The following PPP4R1 variants were observed in gnomAD, a reference collection of about 807,000 sequenced individuals.
PPP4R1 encodes the protein protein phosphatase 4 regulatory subunit 1, also known as serine/threonine-protein phosphatase 4 regulatory subunit 1.
In PPP4R1, 42 loss-of-function variants were observed where a neutral mutation model predicts 111.2. The observed-to-expected ratio is 0.38, with a 90% CI of 0.29 to 0.49. The LOEUF (loss-of-function observed/expected upper bound fraction) is 0.49, where lower values mean the gene tolerates loss of function less well. Ranked by LOEUF, PPP4R1 falls within the 20% of genes least tolerant of loss-of-function variation. PPP4R1 has a pLI of 0.97. For synonymous variants in PPP4R1, 409 were observed against 405.5 expected (o/e 1.01, Z -0.10); for missense variants, 1,012 against 1,161.6 (o/e 0.87, Z 1.87).
chr18:9,591,391 G>A lies in PPP4R1; in HGVS notation c.295+2377C>T, dbSNP rs544979035. Among the ~76,000 whole-genome samples, 34 of 151,548 alleles carry A rather than the reference G, an allele frequency of 2.2e-4. No individual in the cohort carries two copies. In the East Asian group the frequency reaches 6.6e-3, roughly 29 times the overall value. On this transcript the variant is annotated intron_variant, in intron 4 of 19. Transcript: ENST00000400556. ...CAAATAGCCAGTAAGTGTATAACCA[G>A]GTATGAACTTCACTGGTTACTGAGG...
At chr18:9,567,716 A>G (rs2066791734) in intron 11 of PPP4R1, among the ~76,000 whole-genome samples, 1 of 152,222 alleles carries the variant, frequency 6.6e-6, no homozygotes, top group South Asian at 2.1e-4. Context: ...TGTCTCCTGC[A>G]GGTAATATGC....
chr18:9,563,152 G>A, intron 12 of PPP4R1: 1 of 1,215,608 alleles, frequency 8.2e-7, no homozygotes, highest in Non-Finnish European at 1.1e-6. Context: ...CTACTAAATG[G>A]TCATATAGAC....
intron 4 of PPP4R1, among the ~76,000 whole-genome samples, chr18:9,593,354 T>G (rs2067242379): frequency 6.6e-6 from 1 of 152,172 alleles, no homozygotes; most frequent in Admixed American, 6.5e-5. Context: ...AAACCAGCTT[T>G]AGTTTTACAA....
intron 15 of PPP4R1, chr18:9,556,848 C>T (rs2066595298): frequency 6.2e-6 from 1 of 160,280 alleles, no homozygotes; most frequent in Non-Finnish European, 1.4e-5. Context: ...ACACGGAGGG[C>T]AGACTTTTCC....
chr18:9,602,693 C>T (rs2067409297), intron 2 of PPP4R1, among the ~76,000 whole-genome samples: 1 of 152,006 alleles, frequency 6.6e-6, no homozygotes, highest in South Asian at 2.1e-4. Context: ...AATCCCATCT[C>T]TTCTAAAAAT....
intron 6 of PPP4R1, among the ~76,000 whole-genome samples, chr18:9,585,645 A>C (rs892329042): frequency 4.6e-5 from 7 of 152,202 alleles, no homozygotes; most frequent in Admixed American, 2.6e-4. Flanking sequence ...GAAAATCAGA[A>C]GGAATCTACA....
chr18:9,550,613 T>C, intron 16 of PPP4R1: 1 of 552,752 alleles, frequency 1.8e-6, no homozygotes, highest in Non-Finnish European at 3.1e-6. Flanking sequence ...CCTTAGAGTG[T>C]AAGGAAAACA....
rs185599276 is a variant in PPP4R1 at position 9,583,658 on chromosome 18, C to T, written c.760-383G>A. On this transcript the variant is annotated intron_variant, in intron 8 of 19. Transcript: ENST00000400556. ...CTAGGATTACAGGTGTGAGCCACCA[C>T]GCCCAGCCTCAGTGTTTTAAATGTT... Among the ~76,000 whole-genome samples the T allele has an allele frequency of 5.9e-5, 9 of 152,270 alleles. No homozygotes were observed. In the East Asian group the frequency reaches 1.4e-3, roughly 23 times the overall value.
upstream of PPP4R1, chr18:9,614,681 G>GGCCGCGCCCC (rs2067661721): frequency 7.0e-6 from 1 of 141,966 alleles, no homozygotes; most frequent in African/African-American, 2.5e-5. The surrounding 1 kb of genome is among the most constrained non-coding windows in gnomAD (Gnocchi z 4.1). Flanking sequence ...CCGGGCCCCC[G>GGCCGCGCCCC]GCCGCGCCCC....
intron 13 of PPP4R1, among the ~76,000 whole-genome samples, chr18:9,560,341 T>C (rs1196953672): frequency 7.2e-5 from 11 of 152,046 alleles, no homozygotes; most frequent in African/African-American, 9.7e-5. Flanking sequence ...TTCTAGAAAA[T>C]TGAAGTGCAC....
intron 2 of PPP4R1, among the ~76,000 whole-genome samples, chr18:9,595,914 A>G (rs1200944034): frequency 6.6e-6 from 1 of 152,246 alleles, no homozygotes. Context: ...TCAAGGAAGA[A>G]CTGAAAGGTG....
upstream of PPP4R1, among the ~76,000 whole-genome samples, chr18:9,616,689 G>A (rs547634230): frequency 3.9e-4 from 59 of 152,342 alleles, no homozygotes; most frequent in South Asian, 0.012. Flanking sequence ...GATCTACACA[G>A]TTGAGTTAGA....
chr18:9,572,604 G>T (rs1016210820), intron 10 of PPP4R1, among the ~76,000 whole-genome samples: 2 of 152,170 alleles, frequency 1.3e-5, no homozygotes, highest in African/African-American at 2.4e-5. Context: ...CACAATAAAA[G>T]ATGTTTAACA....
intron 18 of PPP4R1, 177 bp downstream of exon 18, chr18:9,549,875 G>T: frequency 1.1e-6 from 1 of 909,812 alleles, no homozygotes; most frequent in South Asian, 1.8e-5. Flanking sequence ...GGCTAGCTGG[G>T]AGAGAGGGGC....
intron 18 of PPP4R1, among the ~76,000 whole-genome samples, chr18:9,549,629 G>A (rs985662023): frequency 1.3e-5 from 2 of 152,120 alleles, no homozygotes; most frequent in Non-Finnish European, 2.9e-5. Context: ...TGGGAACCGT[G>A]GTATGGTATA....
intron 9 of PPP4R1, among the ~76,000 whole-genome samples, chr18:9,577,487 A>T (rs2066955605): frequency 6.6e-6 from 1 of 152,248 alleles, no homozygotes; most frequent in African/African-American, 2.4e-5. Flanking sequence ...CAACATGGCG[A>T]AATCCAGTCT....
intron 10 of PPP4R1, among the ~76,000 whole-genome samples, chr18:9,572,341 A>C: frequency 6.6e-6 from 1 of 152,232 alleles, no homozygotes; most frequent in East Asian, 1.9e-4. Context: ...AATGATGAGC[A>C]TATTTTTAGG....
intron 2 of PPP4R1, among the ~76,000 whole-genome samples, chr18:9,598,432 T>C (rs1357763448): frequency 6.6e-6 from 1 of 152,120 alleles, no homozygotes; most frequent in East Asian, 1.9e-4. Context: ...GGAGAAAAAC[T>C]CATGTTACAT....
At chr18:9,570,130 A>C in intron 11 of PPP4R1, 27 bp downstream of exon 11, 1 of 1,480,692 alleles carries the variant, frequency 6.8e-7, no homozygotes, top group Non-Finnish European at 9.0e-7. Context: ...TCAATTTCAG[A>C]ATAAATAACT....
Sources: allele counts gnomAD v4.1 joint callset (sites outside exome capture counted in the v4.1 genomes callset), GRCh38; gene constraint gnomAD v4.1.1; non-coding constraint Gnocchi (gnomAD v3.1); transcripts MANE v1.5; gene names NCBI Gene and HGNC (gene_info 2026-07-23, HGNC 2026-07-21).